Variants in TBL2 observed in about 807,000 individuals in gnomAD.
TBL2 encodes transducin beta-like protein 2.
TBL2 carries 33 observed loss-of-function variants against 41.8 expected under a neutral mutation model. The observed-to-expected ratio is 0.79, with a 90% CI of 0.60 to 1.06. The LOEUF is 1.06. TBL2 is among the 50% of genes least tolerant of loss of function. TBL2 has a pLI of 0.00. For missense variants in TBL2, 522 were observed against 603.8 expected (o/e 0.86, Z 1.42); for synonymous variants, 239 against 241.7 (o/e 0.99, Z 0.10).
At chr7:73,578,362 G>A in intron 1 of TBL2, 58 bp downstream of exon 1, 1 of 1,529,012 alleles carries the variant, frequency 6.5e-7, no homozygotes, top group Admixed American at 2.1e-5. Context: ...GTCGGACCAC[G>A]AGGAGGCCGG....
At chr7:73,576,079 G>T (rs1554588860) in intron 1 of TBL2, among the ~76,000 whole-genome samples, 3 of 151,550 alleles carry the variant, frequency 2.0e-5, no homozygotes, top group Non-Finnish European at 2.9e-5. Flanking sequence ...GATTGAATTG[G>T]ATGAGATATC....
intron 1 of TBL2, among the ~76,000 whole-genome samples, chr7:73,575,000 G>A (rs930011061): frequency 2.8e-4 from 43 of 152,176 alleles, no homozygotes; most frequent in Non-Finnish European, 2.1e-4. Flanking sequence ...TACACAGCAC[G>A]GCCAGTGGAG....
Position 73,574,416 on chromosome 7 carries a change from G to C in TBL2, c.228C>G (p.Asn76Lys). 2 of 1,613,994 alleles carry C rather than the reference G, an allele frequency of 1.2e-6. No homozygotes were observed. The highest frequency in any genetic ancestry group is 1.7e-6 in the Non-Finnish European group (2 of 1,180,036). Residue 76 changes from asparagine to lysine, a missense_variant, in exon 2 of 7, where the codon AAC (asparagine) becomes AAG (lysine). By Grantham distance (94) the Asn-to-Lys change is moderately conservative. Coordinates refer to ENST00000305632, the MANE Select transcript of TBL2 (RefSeq NM_012453.4). ...RIRKEKPQQH[N>K]FTHRLLAAAL... ...CTGCAGCCAGGAGGCGGTGGGTGAA[G>C]TTGTGTTGTTGAGGCTTCTCCTTCC...
In TBL2 at chr7:73,570,924, A is replaced by G. The variant is rs146343390; in HGVS notation, c.927T>C (p.Asp309=). Residue 309 remains aspartate (D), a synonymous_variant, in exon 7 of 7, where the codon GAT becomes GAC. Coordinates refer to ENST00000305632, the MANE Select transcript of TBL2 (RefSeq NM_012453.4). ...GGTCCTGCTTCTTCTTGTATTCCAC[A>G]TCTGTGTCCCACAGTTTCCATGTAC... The part of the protein sequence containing the change: ...KDGTWKLWDT[D]VEYKKKQDPY... The G allele has an allele frequency of 5.1e-5, 82 of 1,613,068 alleles. No homozygotes were observed. The African/African-American group carries it at 8.9e-4, about 18-fold the overall frequency.
chr7:73,573,531 G>C, intron 3 of TBL2, 60 bp from the exon 4 acceptor site: 2 of 1,602,854 alleles, frequency 1.2e-6, no homozygotes, highest in South Asian at 2.2e-5. Flanking sequence ...TGTGTTCCAG[G>C]TCCTGTGCTG....
Position 73,573,925 on chromosome 7 carries a change from C to T in TBL2, c.446+13G>A, listed in dbSNP as rs782056578. On this transcript the variant is annotated intron_variant, in intron 3 of 6. Transcript: ENST00000305632. The stretch of plus-strand genomic sequence containing the variant: ...GCCTCTGCAGGCAAACCTGAGGCTC[C>T]GTCTTGTCCCACCTGCAGTCAGGGC... 5.6e-6 allele frequency: 9 copies of T among 1,611,446 alleles called. No homozygotes were observed. The highest frequency in any genetic ancestry group is 2.7e-5 in the African/African-American group (2 of 74,908).
At chr7:73,578,167 G>T (rs1554589368) in intron 1 of TBL2, 20 of 1,356,880 alleles carry the variant, frequency 1.5e-5, no homozygotes, top group Non-Finnish European at 1.7e-5. Context: ...CCCCGGGGAC[G>T]GCCTGGCCTC....
At chr7:73,578,217 C>A in intron 1 of TBL2, 1 of 1,525,210 alleles carries the variant, frequency 6.6e-7, no homozygotes, top group African/African-American at 1.4e-5. Context: ...CAGGTTGGAG[C>A]CAGTCCCGCC....
chr7:73,572,431 G>A (rs1793019111), intron 5 of TBL2, among the ~76,000 whole-genome samples: 1 of 152,084 alleles, frequency 6.6e-6, no homozygotes, highest in African/African-American at 2.4e-5. Flanking sequence ...CCTGGGCGAG[G>A]GTGAAACCGT....
intron 1 of TBL2, among the ~76,000 whole-genome samples, chr7:73,575,383 C>T (rs1370771719): frequency 1.1e-4 from 17 of 151,914 alleles, no homozygotes; most frequent in African/African-American, 3.1e-4. Flanking sequence ...CTCTGCCTCC[C>T]GGGTTCACGC....
In TBL2 at chr7:73,569,603, TTAA is replaced by T. The variant is rs1185129424; in HGVS notation, c.*901_*903del. ...CTATGAATAAACTAACACAAAGCACTTAATAAGGGTGTATCTCTCTCTCCCACC... is the reference window on the plus strand; with the variant it reads ...CTATGAATAAACTAACACAAAGCACTTAAGGGTGTATCTCTCTCTCCCACC... On this transcript the variant is annotated 3_prime_UTR_variant, in exon 7 of 7. Transcript: ENST00000305632. 1 of 152,184 alleles carries T rather than the reference TTAA, an allele frequency of 6.6e-6. No homozygotes were observed. Among genetic ancestry groups the T allele is most frequent in the Admixed American group, 6.6e-5 (1 of 15,262 alleles). The allele number at this position is 152,184 out of a possible 1,614,324, so 9.4% of individuals were successfully genotyped here. A position where few individuals can be genotyped will look rare whatever the true frequency, so the allele number is the denominator to read the frequency against.
chr7:73,575,747 T>C (rs1459613581), intron 1 of TBL2, among the ~76,000 whole-genome samples: 1 of 152,132 alleles, frequency 6.6e-6, no homozygotes, highest in Non-Finnish European at 1.5e-5. Context: ...TTGGTTTTCT[T>C]AAAGAGAGGT....
At chr7:73,571,680 T>C in intron 5 of TBL2, 1 of 268,604 alleles carries the variant, frequency 3.7e-6, no homozygotes, top group Non-Finnish European at 7.3e-6. Flanking sequence ...CACTTGAACC[T>C]GGTAGGTGGA....
At chr7:73,573,601 C>A in intron 3 of TBL2, 130 bp from the exon 4 acceptor site, 1 of 1,241,094 alleles carries the variant, frequency 8.1e-7, no homozygotes. Flanking sequence ...AAAACTTAAG[C>A]CCCTGGTTCC....
rs375500427 is a variant in TBL2 at position 73,570,660 on chromosome 7, C to T, written c.1191G>A (p.Arg397=). The T allele has an allele frequency of 6.2e-7, 1 of 1,613,520 alleles. No homozygotes were observed. The highest frequency in any genetic ancestry group is 1.3e-5 in the African/African-American group (1 of 74,952). Residue 397 remains arginine (R), a synonymous_variant, in exon 7 of 7, where the codon CGG becomes CGA. Transcript: ENST00000305632. Reference sequence around the variant, plus strand: ...GGTGGCCAGGAGTGTTGTGAAACAGCCGCACCGCCCGGTCCCCACAGGAGG... The same window carrying T: ...GGTGGCCAGGAGTGTTGTGAAACAGTCGCACCGCCCGGTCCCCACAGGAGG... ...FLASCGDRAV[R]LFHNTPGHRA...
intron 5 of TBL2, among the ~76,000 whole-genome samples, chr7:73,572,310 G>T (rs1584026765): frequency 6.6e-6 from 1 of 152,088 alleles, no homozygotes; most frequent in East Asian, 1.9e-4. Context: ...TTAGCCAGGT[G>T]TGGTAGTGCA....
At chr7:73,574,718 T>G (rs1382392782) in intron 1 of TBL2, 4 of 664,980 alleles carry the variant, frequency 6.0e-6, no homozygotes, top group Non-Finnish European at 1.0e-5. Context: ...CCCAATGCTT[T>G]GGATCATTTG....
At position 73,570,716 on chromosome 7, in the gene TBL2, A is replaced by C; in HGVS notation, c.1135T>G (p.Leu379Val). 6.2e-7 allele frequency: 1 copy of C among 1,614,168 alleles called. No individual in the cohort carries two copies. ...ERVHGECIANLSFDITGRFLA... is the reference protein window; with the variant it reads ...ERVHGECIANVSFDITGRFLA... ...AAGCGGCCAGTGATGTCAAAGGACA[A>C]GTTGGCGATACACTCGCCATGGACC... The change falls in exon 7 of 7, where the codon TTG becomes GTG. Residue 379 changes from leucine (L) to valine (V), a missense_variant. By Grantham distance (32) the Leu-to-Val change is conservative (BLOSUM62 1). Coordinates refer to ENST00000305632, the MANE Select transcript of TBL2 (RefSeq NM_012453.4).
At position 73,573,950 on chromosome 7, in the gene TBL2, C is replaced by T. The variant is rs782454162; in HGVS notation, c.434G>A (p.Ser145Asn). ...ELDHATLVRF[S>N]PDCRAFIVWL... ...CGTCTTGTCCCACCTGCAGTCAGGG[C>T]TGAAGCGCACCAGGGTGGCGTGGTC... Residue 145 changes from serine (S) to asparagine (N), a missense_variant, in exon 3 of 7, where the codon AGC (serine) becomes AAC (asparagine). By Grantham distance (46) the Ser-to-Asn change is conservative. Coordinates refer to ENST00000305632, the MANE Select transcript of TBL2 (RefSeq NM_012453.4). The T allele has an allele frequency of 2.5e-6, 4 of 1,613,508 alleles. No homozygotes were observed. The South Asian group carries it at 4.4e-5, about 18-fold the overall frequency.
Sources: gnomAD v4.1 joint callset for allele counts (sites outside exome capture counted in the v4.1 genomes callset) on GRCh38, gnomAD v4.1.1 for gene constraint, MANE v1.5 for transcripts, NCBI Gene and HGNC (gene_info 2026-07-23, HGNC 2026-07-21) for gene names.